PTBP2: variants seen among roughly 807,000 people sequenced by gnomAD.
PTBP2 encodes the protein polypyrimidine tract binding protein 2.
In PTBP2, 13 loss-of-function variants were observed where a neutral mutation model predicts 61.4. The ratio of observed to expected loss-of-function variants is 0.21; its 90% CI spans 0.14 to 0.34. The LOEUF (loss-of-function observed/expected upper bound fraction) is 0.34. PTBP2 is among the 10% of genes least tolerant of loss of function. PTBP2 has a pLI of 1.00. For synonymous variants in PTBP2, 215 were observed against 218.5 expected, an observed-to-expected ratio of 0.98 and a Z score of 0.14; for missense variants, 405 against 642.6, an observed-to-expected ratio of 0.63 and a Z score of 4.00.
intron 5 of PTBP2, among the ~76,000 whole-genome samples, chr1:96,776,730 A>G (rs1054203020): frequency 6.6e-6 from 1 of 151,700 alleles, no homozygotes; most frequent in African/African-American, 2.4e-5. Context: ...TGTCATCATA[A>G]TAACAGGAAA....
At chr1:96,729,786 G>A (rs1651141710) in intron 2 of PTBP2, among the ~76,000 whole-genome samples, 1 of 147,850 alleles carries the variant, frequency 6.8e-6, no homozygotes, top group Non-Finnish European at 1.5e-5. Flanking sequence ...GCCCGGGCTG[G>A]AGTGCAGTGG....
intron 2 of PTBP2, among the ~76,000 whole-genome samples, chr1:96,734,686 A>G (rs1024109581): frequency 1.3e-5 from 2 of 151,784 alleles, no homozygotes; most frequent in Non-Finnish European, 2.9e-5. Flanking sequence ...GTAATTTAGT[A>G]TGTTTTCCAT....
At chr1:96,729,472 T>C (rs1015580334) in intron 2 of PTBP2, among the ~76,000 whole-genome samples, 2 of 152,334 alleles carry the variant, frequency 1.3e-5, no homozygotes, top group East Asian at 1.9e-4. Context: ...GAATATCTTT[T>C]CCTTGCTCCT....
chr1:96,770,941 G>C (rs989063110), intron 5 of PTBP2, 90 bp downstream of exon 5: 2 of 1,152,062 alleles, frequency 1.7e-6, no homozygotes, highest in Non-Finnish European at 2.5e-6. Flanking sequence ...TACCTGTTCA[G>C]ATGTTCCTTA....
intron 1 of PTBP2, 122 bp from the exon 2 acceptor site, chr1:96,723,442 C>T (rs934894288): frequency 1.4e-6 from 1 of 692,224 alleles, no homozygotes; most frequent in Non-Finnish European, 2.4e-6. Flanking sequence ...TTTTTATCCC[C>T]ATCTGTGTGT....
intron 3 of PTBP2, among the ~76,000 whole-genome samples, chr1:96,756,798 G>A (rs1460546874): frequency 1.3e-5 from 2 of 152,126 alleles, no homozygotes; most frequent in African/African-American, 4.8e-5. Flanking sequence ...GGGATGAACT[G>A]GTGGAGTACA....
chr1:96,791,903 G>A (rs372277560), intron 8 of PTBP2, among the ~76,000 whole-genome samples: 5 of 140,432 alleles, frequency 3.6e-5, no homozygotes, highest in Admixed American at 2.3e-4. Flanking sequence ...ATGCAATCTC[G>A]GCTCACTGCA....
In PTBP2 at chr1:96,799,294, C is replaced by CTTTTTTTTTTTTTTTTTTTTTTTTTTTTT. The variant is rs373815292; in HGVS notation, c.905-5487_905-5486insTTTTTTTTTTTTTTTTTTTTTTTTTTTTT. Among the ~76,000 whole-genome samples the CTTTTTTTTTTTTTTTTTTTTTTTTTTTTT allele has an allele frequency of 5.6e-4, 52 of 92,166 alleles. 7 individuals carry two copies. Among genetic ancestry groups the CTTTTTTTTTTTTTTTTTTTTTTTTTTTTT allele is most frequent in the East Asian group, 1.3e-3 (4 of 3,090 alleles). 60.5% of individuals were successfully genotyped at this position (92,166 alleles called of 152,430 possible). A position where few individuals can be genotyped will look rare whatever the true frequency, so the allele number is the denominator to read the frequency against. ...ATAGCAATCCTCAGAATAGATCAAG[C>CTTTTTTTTTTTTTTTTTTTTTTTTTTTTT]TTTTTTTTTTTTTTTTTTTGAGATG... On this transcript the variant is annotated intron_variant, in intron 8 of 13. Coordinates refer to ENST00000674951, the MANE Select transcript of PTBP2 (RefSeq NM_021190.4).
At chr1:96,759,041 T>C (rs1655486140) in intron 3 of PTBP2, among the ~76,000 whole-genome samples, 1 of 152,110 alleles carries the variant, frequency 6.6e-6, no homozygotes, top group African/African-American at 2.4e-5. Context: ...AAAATCTGTT[T>C]ATAAAAGTAT....
At chr1:96,796,347 T>C (rs1458356563) in intron 8 of PTBP2, among the ~76,000 whole-genome samples, 1 of 151,118 alleles carries the variant, frequency 6.6e-6, no homozygotes, top group Admixed American at 6.6e-5. Context: ...AAATCATCAG[T>C]GTTACAGTCA....
At chr1:96,741,985 T>G (rs1331765959) in intron 2 of PTBP2, among the ~76,000 whole-genome samples, 1 of 152,212 alleles carries the variant, frequency 6.6e-6, no homozygotes, top group African/African-American at 2.4e-5. Context: ...CATTAAGTTT[T>G]GGAATCTTGT....
exon 14 of PTBP2, chr1:96,820,589 C>G (rs973863111): frequency 1.3e-5 from 2 of 151,924 alleles, no homozygotes; most frequent in Non-Finnish European, 2.9e-5. Flanking sequence ...AAAAGCCACG[C>G]TCATCCATAT....
At chr1:96,748,413 T>G (rs766558397) in intron 2 of PTBP2, among the ~76,000 whole-genome samples, 1 of 151,166 alleles carries the variant, frequency 6.6e-6, no homozygotes, top group Non-Finnish European at 1.5e-5. Context: ...TAAATGGCCT[T>G]TAATCTGTAC....
chr1:96,730,727 G>T (rs376621592), intron 2 of PTBP2, among the ~76,000 whole-genome samples: 7 of 152,232 alleles, frequency 4.6e-5, no homozygotes, highest in Admixed American at 1.3e-4. Context: ...TAGTTACTTT[G>T]GTCTTCTCAG....
chr1:96,750,476 T>A (rs1393852814), intron 2 of PTBP2, among the ~76,000 whole-genome samples: 1 of 152,028 alleles, frequency 6.6e-6, no homozygotes, highest in Non-Finnish European at 1.5e-5. Flanking sequence ...GATATCTGTT[T>A]ACTCTTCTCA....
intron 5 of PTBP2, among the ~76,000 whole-genome samples, chr1:96,775,583 C>A (rs1018387080): frequency 3.0e-4 from 46 of 152,062 alleles, no homozygotes; most frequent in African/African-American, 1.1e-3. Flanking sequence ...GTGAGTATGG[C>A]TTCTAGAGTG....
Position 96,813,337 on chromosome 1 carries a change from G to A in PTBP2, c.1528G>A (p.Asp510Asn), listed in dbSNP as rs1234634616. ...GGAAGAAGCTATTCAGGCCTTGATT[G>A]ATCTTCATAATTATAACCTTGGAGA... is the stretch of plus-strand genomic sequence containing the variant. Reference protein sequence around the residue: ...TVEEAIQALIDLHNYNLGENH... With the variant: ...TVEEAIQALINLHNYNLGENH... Residue 510 changes from aspartate (D) to asparagine (N), a missense_variant, in exon 14 of 14, where the codon GAT (aspartate) becomes AAT (asparagine). By Grantham distance (23) the Asp-to-Asn change is conservative. Around this residue, in one of 4 missense-constraint regions of PTBP2, gnomAD observed 21 missense variants for 54.1 expected, o/e 0.39. Coordinates refer to ENST00000674951, the MANE Select transcript of PTBP2 (RefSeq NM_021190.4). 6.2e-7 allele frequency: 1 copy of A among 1,607,738 alleles called. No individual in the cohort carries two copies.
At chr1:96,724,803 A>G (rs953236067) in intron 2 of PTBP2, among the ~76,000 whole-genome samples, 5 of 152,028 alleles carry the variant, frequency 3.3e-5, no homozygotes, top group Non-Finnish European at 5.9e-5. Context: ...ACATGTATAC[A>G]TATGTAACAA....
chr1:96,731,053 ACCTCATTCTTTGTTAATG>A (rs1651333438), intron 2 of PTBP2, among the ~76,000 whole-genome samples: 1 of 151,850 alleles, frequency 6.6e-6, no homozygotes, highest in Non-Finnish European at 1.5e-5. Context: ...TTGTAGATCT[ACCTCATTCTTTGTTAATG>A]ACAATGGAGG....
Sources: allele counts gnomAD v4.1 joint callset (sites outside exome capture counted in the v4.1 genomes callset), GRCh38; gene constraint gnomAD v4.1.1; regional missense constraint gnomAD v4.1.1; transcripts MANE v1.5; gene names NCBI Gene and HGNC (gene_info 2026-07-23, HGNC 2026-07-21).